Variants in DIAPH1 observed in about 807,000 individuals in gnomAD.
DIAPH1 encodes diaphanous related formin 1.
A neutral mutation model predicts 140.7 loss-of-function variants in DIAPH1; 46 were observed. The observed-to-expected ratio is 0.33, with a 90% CI of 0.26 to 0.42. The LOEUF (loss-of-function observed/expected upper bound fraction) is 0.42, where lower values mean the gene tolerates loss of function less well. DIAPH1 is among the 10% of genes least tolerant of loss of function. The probability of loss-of-function intolerance (pLI) is 1.00; values close to 1 mark genes in which losing one functional copy is unlikely to be tolerated. For missense variants in DIAPH1, 1,310 were observed against 1,558.7 expected (o/e 0.84, Z 2.69); for synonymous variants, 565 against 551.6 (o/e 1.02, Z -0.34).
rs2099885512 is a variant in DIAPH1 at position 141,515,289 on chromosome 5, G to A, written c.*1562C>T. 1 of 152,306 alleles carries A rather than the reference G, an allele frequency of 6.6e-6. No individual in the cohort carries two copies. The highest frequency in any genetic ancestry group is 1.5e-5 in the Non-Finnish European group (1 of 68,036). 9.4% of individuals were successfully genotyped at this position (152,306 alleles called of 1,614,324 possible). A position where few individuals can be genotyped will look rare whatever the true frequency, so the allele number is the denominator to read the frequency against. On this transcript the variant is annotated 3_prime_UTR_variant, in exon 28 of 28. Coordinates refer to ENST00000389054, the MANE Select transcript of DIAPH1 (RefSeq NM_005219.5). ...GAGTCCTCCCAGGAATAGTCCAAAGGAGCTGCTCTTGCCCCTTTATACACA... is the reference window on the plus strand; with the variant it reads ...GAGTCCTCCCAGGAATAGTCCAAAGAAGCTGCTCTTGCCCCTTTATACACA...
Position 141,516,419 on chromosome 5 carries a change from C to T in DIAPH1, c.*432G>A, listed in dbSNP as rs370267915. The T allele has an allele frequency of 2.7e-5, 7 of 257,982 alleles. No homozygotes were observed. The East Asian group carries it at 5.5e-4, about 20-fold the overall frequency. 16.0% of individuals were successfully genotyped at this position (257,982 alleles called of 1,614,324 possible). A position where few individuals can be genotyped will look rare whatever the true frequency, so the allele number is the denominator to read the frequency against. The stretch of plus-strand genomic sequence containing the variant: ...GATCTAGCCCAAAGGTTTACAAGCC[C>T]CATGCTATTCTCAGGGCCAGAGAAA... On this transcript the variant is annotated 3_prime_UTR_variant, in exon 28 of 28. Coordinates refer to ENST00000389054, the MANE Select transcript of DIAPH1 (RefSeq NM_005219.5).
Position 141,526,477 on chromosome 5 carries a change from A to G in DIAPH1, c.3274-16T>C. On this transcript the variant is annotated splice_polypyrimidine_tract_variant and intron_variant, in intron 24 of 27. Transcript: ENST00000389054. Reference sequence around the variant, plus strand: ...TCACAAAGCTGTGCAGCCAAGGAGTAAAGGACCAAGACCAAGACCAAGAAG... The same window carrying G: ...TCACAAAGCTGTGCAGCCAAGGAGTGAAGGACCAAGACCAAGACCAAGAAG... 4.3e-6 allele frequency: 7 copies of G among 1,614,152 alleles called. No individual in the cohort carries two copies. Among genetic ancestry groups the G allele is most frequent in the Non-Finnish European group, 5.9e-6 (7 of 1,180,026 alleles).
At chr5:141,523,775 T>G (rs1053218354) in intron 27 of DIAPH1, among the ~76,000 whole-genome samples, 3 of 151,392 alleles carry the variant, frequency 2.0e-5, no homozygotes, top group African/African-American at 7.3e-5. Context: ...TGACTTATTT[T>G]TTCTTTGAAT....
At chr5:141,604,554 A>G (rs2099900637) in intron 1 of DIAPH1, among the ~76,000 whole-genome samples, 1 of 152,166 alleles carries the variant, frequency 6.6e-6, no homozygotes, top group African/African-American at 2.4e-5. Context: ...ACTCTTCCTC[A>G]AGGGTGGGCA....
chr5:141,592,382 G>T (rs566587843), intron 1 of DIAPH1, among the ~76,000 whole-genome samples: 2 of 152,146 alleles, frequency 1.3e-5, no homozygotes, highest in African/African-American at 4.8e-5. Context: ...TGTTCTTACA[G>T]ATTCTATGTT....
chr5:141,591,727 T>TATATATATATATATATATA (rs2099898496), intron 1 of DIAPH1, among the ~76,000 whole-genome samples: 1 of 137,062 alleles, frequency 7.3e-6, no homozygotes, highest in African/African-American at 2.9e-5. Flanking sequence ...TATATATATA[T>TATATATATATATATATATA]GAAGGAAGAT....
intron 18 of DIAPH1, among the ~76,000 whole-genome samples, chr5:141,566,448 A>G (rs1272486901): frequency 6.6e-6 from 1 of 152,252 alleles, no homozygotes; most frequent in Non-Finnish European, 1.5e-5. Flanking sequence ...AATGGGTGAC[A>G]TAACGATGTC....
chr5:141,517,026 A>G lies in DIAPH1; in HGVS notation c.3662-18T>C, dbSNP rs779307746. The G allele has an allele frequency of 6.2e-7, 1 of 1,614,076 alleles. No individual in the cohort carries two copies. The highest frequency in any genetic ancestry group is 1.1e-5 in the South Asian group (1 of 91,072). ...CCTGTTGGCTGCAAGAGAAGACGAG[A>G]GATTCTGTCTATGGAAGGCCTCATT... On this transcript the variant is annotated intron_variant, in intron 27 of 27. Coordinates refer to ENST00000389054, the MANE Select transcript of DIAPH1 (RefSeq NM_005219.5).
At chr5:141,546,662 GAAAA>G (rs547342313) in intron 18 of DIAPH1, among the ~76,000 whole-genome samples, 12 of 116,304 alleles carry the variant, frequency 1.0e-4, no homozygotes, top group Admixed American at 6.8e-4. Flanking sequence ...AAAAAAAAAA[GAAAA>G]AAAAAAAAAG....
intron 1 of DIAPH1, among the ~76,000 whole-genome samples, chr5:141,616,152 T>A (rs906436885): frequency 3.3e-5 from 5 of 152,208 alleles, no homozygotes; most frequent in Non-Finnish European, 7.3e-5. Context: ...AACAATCATG[T>A]GTTTTTAAAA....
chr5:141,575,465 A>G (rs1196105199), intron 14 of DIAPH1, among the ~76,000 whole-genome samples: 1 of 152,172 alleles, frequency 6.6e-6, no homozygotes, highest in African/African-American at 2.4e-5. Context: ...CCTGTCCAAC[A>G]TGGTGAACCC....
chr5:141,618,653 G>T, intron 1 of DIAPH1, 145 bp downstream of exon 1: 2 of 557,234 alleles, frequency 3.6e-6, no homozygotes, highest in Non-Finnish European at 6.5e-6. Flanking sequence ...AGGATGTCGG[G>T]CTGCAGAGCT....
intron 18 of DIAPH1, among the ~76,000 whole-genome samples, chr5:141,538,445 C>T (rs547413148): frequency 1.4e-3 from 209 of 151,632 alleles, no homozygotes; most frequent in African/African-American, 4.9e-3. Flanking sequence ...CTCCGCCTCC[C>T]AGGTTCACAC....
In DIAPH1 at chr5:141,516,908, A is replaced by G; in HGVS notation, c.3762T>C (p.Ser1254=). ...AAVPAKVSKN[S]ETFPTILEEA... ...CCTCAAGGATTGTGGGGAATGTCTC[A>G]CTGTTCTTGGACACCTTGGCAGGAA... is the stretch of plus-strand genomic sequence containing the variant. Residue 1254 remains serine (S), a synonymous_variant, in exon 28 of 28, where the codon AGT becomes AGC. Coordinates refer to ENST00000389054, the MANE Select transcript of DIAPH1 (RefSeq NM_005219.5). 6.2e-7 allele frequency: 1 copy of G among 1,614,202 alleles called. No individual in the cohort carries two copies. Among genetic ancestry groups the G allele is most frequent in the Non-Finnish European group, 8.5e-7 (1 of 1,180,024 alleles).
chr5:141,544,037 G>C (rs999298390), intron 18 of DIAPH1, among the ~76,000 whole-genome samples: 2 of 152,164 alleles, frequency 1.3e-5, no homozygotes, highest in African/African-American at 4.8e-5. Flanking sequence ...TCGGCCGGGC[G>C]CGGTGGCTCA....
chr5:141,537,483 C>CA (rs34323841), intron 18 of DIAPH1, among the ~76,000 whole-genome samples: 6,919 of 36,880 alleles, frequency 0.19, 1,051 homozygotes, highest in Non-Finnish European at 0.22. Flanking sequence ...AACTCCGTCT[C>CA]AAAAAAAAAA....
intron 1 of DIAPH1, among the ~76,000 whole-genome samples, chr5:141,608,721 A>G (rs114828340): frequency 4.3e-4 from 65 of 152,328 alleles, no homozygotes; most frequent in African/African-American, 1.6e-3. Context: ...CTGGCAAATA[A>G]CTGCCAGGTC....
chr5:141,610,170 C>T (rs1324493397), intron 1 of DIAPH1, among the ~76,000 whole-genome samples: 1 of 152,068 alleles, frequency 6.6e-6, no homozygotes, highest in African/African-American at 2.4e-5. Context: ...GTTGGAGTCT[C>T]GCTCTGTCGC....
rs1039772519 is a variant in DIAPH1, at chr5:141,515,268, C to A, written c.*1583G>T. On this transcript the variant is annotated 3_prime_UTR_variant, in exon 28 of 28. Transcript: ENST00000389054. ...AGCAACAGACGCCCTGCATCAGAGT[C>A]CTCCCAGGAATAGTCCAAAGGAGCT... 7 of 152,412 alleles carry A rather than the reference C, an allele frequency of 4.6e-5. No individual in the cohort carries two copies. Among genetic ancestry groups the A allele is most frequent in the African/African-American group, 1.7e-4 (7 of 41,436 alleles). 9.4% of individuals were successfully genotyped at this position (152,412 alleles called of 1,614,324 possible).
Sources: allele counts gnomAD v4.1 joint callset (sites outside exome capture counted in the v4.1 genomes callset), GRCh38; gene constraint gnomAD v4.1.1; transcripts MANE v1.5; gene names NCBI Gene and HGNC (gene_info 2026-07-23, HGNC 2026-07-21).